The following SNTG2 variants were observed in gnomAD, a reference collection of about 807,000 sequenced individuals.
SNTG2 encodes the protein syntrophin gamma 2.
In SNTG2, 74 loss-of-function variants were observed where a neutral mutation model predicts 70.9. The ratio of observed to expected loss-of-function variants is 1.04; its 90% CI spans 0.86 to 1.27. The LOEUF is 1.27. Among genes scored for constraint, SNTG2 ranks in the 50% most tolerant of loss-of-function variants. The pLI is 0.00. For missense variants in SNTG2, 717 were observed against 690.7 expected (o/e 1.04, Z -0.43); for synonymous variants, 278 against 273.8 (o/e 1.02, Z -0.15).
In SNTG2 at chr2:1,173,195, G is replaced by T; in HGVS notation, c.591+12G>T. On this transcript the variant is annotated intron_variant, in intron 8 of 16. Coordinates refer to ENST00000308624, the MANE Select transcript of SNTG2 (RefSeq NM_018968.4). ...ACTCCAGTACCACAGTAAGCATATA[G>T]ATTTTTGTTAAATTTTATTTTAACA... is the stretch of plus-strand genomic sequence containing the variant. 6.2e-7 allele frequency: 1 copy of T among 1,610,866 alleles called. No homozygotes were observed. Among genetic ancestry groups the T allele is most frequent in the Non-Finnish European group, 8.5e-7 (1 of 1,177,764 alleles).
In SNTG2 at chr2:1,353,314, C is replaced by T. The variant is rs954460076; in HGVS notation, c.1489-14029C>T. ...TCATATGTGAGGGCTACAGCCTCAT[C>T]GTATAAACATAAGGAAGTGCCTGGG... On this transcript the variant is annotated intron_variant, in intron 16 of 16. Transcript: ENST00000308624. The surrounding 1 kb of genome is among the most constrained non-coding windows in gnomAD (Gnocchi z 4.2). 2.0e-5 allele frequency among the ~76,000 whole-genome samples: 3 copies of T among 152,234 alleles called. No individual in the cohort carries two copies. Among genetic ancestry groups the T allele is most frequent in the Admixed American group, 6.5e-5 (1 of 15,302 alleles).
intron 8 of SNTG2, among the ~76,000 whole-genome samples, chr2:1,190,772 A>T (rs1359778488): frequency 1.3e-5 from 2 of 152,052 alleles, no homozygotes; most frequent in African/African-American, 2.4e-5. Flanking sequence ...AAAAGCAAAT[A>T]TCTTTAGAAG....
chr2:1,240,426 C>T (rs1676970558), intron 11 of SNTG2, among the ~76,000 whole-genome samples: 1 of 152,172 alleles, frequency 6.6e-6, no homozygotes, highest in Admixed American at 6.5e-5. Flanking sequence ...AGTTTTTAAG[C>T]CACTGTGTTA....
At chr2:1,272,772 CCCA>C in intron 14 of SNTG2, among the ~76,000 whole-genome samples, 2 of 147,466 alleles carry the variant, frequency 1.4e-5, no homozygotes, top group Non-Finnish European at 3.0e-5. Flanking sequence ...GAAAGGACAC[CCCA>C]GGGAGCGGGT....
chr2:1,237,070 G>A (rs942841461), intron 9 of SNTG2, among the ~76,000 whole-genome samples: 3 of 151,654 alleles, frequency 2.0e-5, no homozygotes, highest in African/African-American at 7.3e-5. Context: ...AGCCTTCCGA[G>A]TAGCTGGAGC....
At chr2:1,322,461 A>G (rs1681575771) in intron 16 of SNTG2, among the ~76,000 whole-genome samples, 1 of 152,196 alleles carries the variant, frequency 6.6e-6, no homozygotes, top group Non-Finnish European at 1.5e-5. Flanking sequence ...ATGGAGCTGG[A>G]GTTCCAATGC....
intron 9 of SNTG2, among the ~76,000 whole-genome samples, chr2:1,230,509 G>A (rs1369875272): frequency 6.6e-6 from 1 of 152,196 alleles, no homozygotes; most frequent in Non-Finnish European, 1.5e-5. Flanking sequence ...GCTGCTGGGG[G>A]TGCCCACCTG....
intron 6 of SNTG2, among the ~76,000 whole-genome samples, chr2:1,152,834 C>T (rs548300944): frequency 3.3e-5 from 5 of 152,128 alleles, no homozygotes; most frequent in Admixed American, 3.3e-4. Flanking sequence ...TATAAAATGC[C>T]TTCACAAGGC....
At chr2:1,153,245 A>G (rs1466866487) in intron 6 of SNTG2, among the ~76,000 whole-genome samples, 3 of 152,134 alleles carry the variant, frequency 2.0e-5, no homozygotes, top group Non-Finnish European at 2.9e-5. Flanking sequence ...AAACCGTGAC[A>G]TCTTTTTTTT....
At chr2:1,123,420 A>C (rs1324214579) in intron 4 of SNTG2, among the ~76,000 whole-genome samples, 1 of 152,210 alleles carries the variant, frequency 6.6e-6, no homozygotes, top group African/African-American at 2.4e-5. Flanking sequence ...ATGCTCAACT[A>C]ATTTTGGACT....
intron 16 of SNTG2, among the ~76,000 whole-genome samples, chr2:1,342,032 A>G (rs1271529968): frequency 6.6e-6 from 1 of 152,028 alleles, no homozygotes; most frequent in Non-Finnish European, 1.5e-5. Context: ...CTTTTAATGA[A>G]CAACATGCTG....
intron 1 of SNTG2, among the ~76,000 whole-genome samples, chr2:1,022,317 C>T (rs1004228287): frequency 1.3e-5 from 2 of 151,770 alleles, no homozygotes; most frequent in South Asian, 2.1e-4. Flanking sequence ...TGAATCCTTG[C>T]GCTCACGTGA....
intron 1 of SNTG2, among the ~76,000 whole-genome samples, chr2:956,253 CTGCGCCT>C (rs1460486759): frequency 0.019 from 2,649 of 136,464 alleles, 120 homozygotes; most frequent in African/African-American, 0.072. Context: ...CGCCCCGCCC[CTGCGCCT>C]CCCCCTGCCC....
At chr2:983,314 AGGATGAAGAAGCTGCAGAGGTGGAAGTCG>A (rs1279568753) in intron 1 of SNTG2, among the ~76,000 whole-genome samples, 2 of 97,346 alleles carry the variant, frequency 2.1e-5, no homozygotes, top group South Asian at 5.1e-4. Context: ...GGTGGTGGTC[AGGATGAAGAAGCTGCAGAGGTGGAAGTCG>A]GGATGAAGAA....
At chr2:1,281,810 T>C (rs1679560287) in intron 14 of SNTG2, among the ~76,000 whole-genome samples, 1 of 152,050 alleles carries the variant, frequency 6.6e-6, no homozygotes, top group Non-Finnish European at 1.5e-5. Context: ...TGCCTGAACA[T>C]TTGTGGAAGC....
intron 14 of SNTG2, among the ~76,000 whole-genome samples, chr2:1,268,008 A>C (rs958378215): frequency 2.6e-5 from 4 of 152,214 alleles, no homozygotes; most frequent in African/African-American, 9.6e-5. Flanking sequence ...CTCAAACTTG[A>C]TGGTCCGAAG....
chr2:1,360,135 A>G (rs187871928), intron 16 of SNTG2, among the ~76,000 whole-genome samples: 1 of 152,336 alleles, frequency 6.6e-6, no homozygotes, highest in African/African-American at 2.4e-5. Flanking sequence ...ATTAACACAA[A>G]TATAGTAGAT....
chr2:1,278,561 T>G (rs1054994132), intron 14 of SNTG2, among the ~76,000 whole-genome samples: 2 of 152,240 alleles, frequency 1.3e-5, no homozygotes, highest in Non-Finnish European at 2.9e-5. Context: ...TTACGCATCT[T>G]ACAAGCCTCA....
intron 8 of SNTG2, among the ~76,000 whole-genome samples, chr2:1,206,920 CAG>C (rs1673666858): frequency 6.6e-6 from 1 of 152,174 alleles, no homozygotes; most frequent in Non-Finnish European, 1.5e-5. Flanking sequence ...CTTCTGCAAA[CAG>C]ATAGCACACT....
Sources: allele counts gnomAD v4.1 joint callset (sites outside exome capture counted in the v4.1 genomes callset), GRCh38; gene constraint gnomAD v4.1.1; non-coding constraint Gnocchi (gnomAD v3.1); transcripts MANE v1.5; gene names NCBI Gene and HGNC (gene_info 2026-07-23, HGNC 2026-07-21).